Variants in FBXO34 observed in about 807,000 individuals in gnomAD.
FBXO34 encodes F-box only protein 34.
In FBXO34, 12 loss-of-function variants were observed where a neutral mutation model predicts 24.5. The observed-to-expected ratio is 0.49, with a 90% CI of 0.31 to 0.79. FBXO34 has a LOEUF of 0.79. Ranked by LOEUF, FBXO34 falls within the 30% of genes least tolerant of loss-of-function variation. The probability of loss-of-function intolerance (pLI) is 0.04; values close to 1 mark genes in which losing one functional copy is unlikely to be tolerated. For synonymous variants in FBXO34, 320 were observed against 311.9 expected, an observed-to-expected ratio of 1.03 and a Z score of -0.27; for missense variants, 823 against 857.7, an observed-to-expected ratio of 0.96 and a Z score of 0.51.
At chr14:55,337,098 T>G (rs1883811084) in intron 1 of FBXO34, among the ~76,000 whole-genome samples, 1 of 151,888 alleles carries the variant, frequency 6.6e-6, no homozygotes, top group African/African-American at 2.4e-5. Context: ...CTTAGCCTCC[T>G]GAGTAGCTGG....
chr14:55,398,321 TTTTG>T, the FBXO34 span, among the ~76,000 whole-genome samples: 1 of 152,146 alleles, frequency 6.6e-6, no homozygotes, highest in African/African-American at 2.4e-5. Context: ...GGTTTTTTGT[TTTTG>T]TTTTTGTTTT....
At chr14:55,433,027 C>A in the FBXO34 span, among the ~76,000 whole-genome samples, 1 of 152,198 alleles carries the variant, frequency 6.6e-6, no homozygotes, top group African/African-American at 2.4e-5. Context: ...TTCATCATTA[C>A]TGTAACTTAA....
Position 55,294,114 on chromosome 14 carries a change from C to T in FBXO34, c.-11+22577C>T, listed in dbSNP as rs57733734. Among the ~76,000 whole-genome samples, 1,413 of 151,954 alleles carry T rather than the reference C, an allele frequency of 9.3e-3. 31 individuals are homozygous for T. The highest frequency in any genetic ancestry group is 0.033 in the African/African-American group (1,362 of 41,404). On this transcript the variant is annotated intron_variant, in intron 1 of 1. Transcript: ENST00000313833. ...CACCCTACTTAAAATTATAACTGCC[C>T]CTCTTTGCTTGCACTTCTAAGCTTC... is the stretch of plus-strand genomic sequence containing the variant.
At chr14:55,320,993 C>A (rs1329816927) in intron 1 of FBXO34, among the ~76,000 whole-genome samples, 1 of 151,984 alleles carries the variant, frequency 6.6e-6, no homozygotes, top group Non-Finnish European at 1.5e-5. Context: ...TTATAGTTTT[C>A]TTTTTTATTC....
downstream of FBXO34, chr14:55,369,568 T>C (rs1262647796): frequency 1.4e-6 from 2 of 1,418,352 alleles, no homozygotes; most frequent in East Asian, 2.3e-5. Flanking sequence ...TAGAGTGTAG[T>C]GGGAGAAGAA....
chr14:55,415,542 C>T, the FBXO34 span, among the ~76,000 whole-genome samples: 1 of 152,200 alleles, frequency 6.6e-6, no homozygotes, highest in African/African-American at 2.4e-5. Flanking sequence ...GTGGAAACAG[C>T]TTAAATGCCC....
intron 1 of FBXO34, among the ~76,000 whole-genome samples, chr14:55,321,115 A>G (rs1594749940): frequency 6.6e-6 from 1 of 151,990 alleles, no homozygotes; most frequent in Admixed American, 6.5e-5. Context: ...CCAAAGTCAA[A>G]GAATCTTAAA....
chr14:55,279,388 T>C (rs985438922), intron 1 of FBXO34, among the ~76,000 whole-genome samples: 1 of 151,926 alleles, frequency 6.6e-6, no homozygotes, highest in Non-Finnish European at 1.5e-5. Context: ...AAAGATCATG[T>C]GATAGGAAAA....
At chr14:55,332,724 A>G (rs1176197439) in intron 1 of FBXO34, among the ~76,000 whole-genome samples, 5 of 152,200 alleles carry the variant, frequency 3.3e-5, no homozygotes, top group Non-Finnish European at 5.9e-5. Flanking sequence ...TTAGTTTATC[A>G]GAAAATGTTG....
At chr14:55,402,926 AATAT>A in the FBXO34 span, among the ~76,000 whole-genome samples, 282 of 16,376 alleles carry the variant, frequency 0.017, 6 homozygotes, top group African/African-American at 0.039. Flanking sequence ...AAAAAAAAAA[AATAT>A]ATATATATAT....
chr14:55,420,933 T>C, the FBXO34 span, among the ~76,000 whole-genome samples: 1 of 150,510 alleles, frequency 6.6e-6, no homozygotes, highest in East Asian at 2.0e-4. Context: ...TAGTGGCAGG[T>C]GCCTGTAGTC....
intron 1 of FBXO34, among the ~76,000 whole-genome samples, chr14:55,336,739 T>C (rs927620983): frequency 6.6e-6 from 1 of 151,856 alleles, no homozygotes; most frequent in African/African-American, 2.4e-5. Context: ...ATTATATCAT[T>C]TAATCTAAAA....
intron 1 of FBXO34, among the ~76,000 whole-genome samples, chr14:55,334,177 T>C (rs1377528818): frequency 1.6e-4 from 25 of 152,146 alleles, no homozygotes; most frequent in Admixed American, 1.6e-3. Flanking sequence ...TCTCCACCTT[T>C]TCCACCGCTC....
chr14:55,347,181 A>G (rs9919923), intron 1 of FBXO34, among the ~76,000 whole-genome samples: 45,670 of 151,832 alleles, frequency 0.3, 7,122 homozygotes, highest in Non-Finnish European at 0.33. Flanking sequence ...AGTTTAAAAT[A>G]CAATTGTGAT....
the FBXO34 span, among the ~76,000 whole-genome samples, chr14:55,433,305 T>TTC: frequency 2.2e-3 from 260 of 118,568 alleles, no homozygotes; most frequent in African/African-American, 8.6e-3. Context: ...CTTTTTAGAT[T>TTC]TCTCTTTTTT....
At chr14:55,430,092 A>G in the FBXO34 span, among the ~76,000 whole-genome samples, 3 of 152,150 alleles carry the variant, frequency 2.0e-5, no homozygotes. Flanking sequence ...GAGCCTGTGG[A>G]GTCCTGAGAG....
chr14:55,439,623 C>CG, the FBXO34 span, among the ~76,000 whole-genome samples: 282 of 136,856 alleles, frequency 2.1e-3, 13 homozygotes, highest in African/African-American at 7.3e-3. Flanking sequence ...AACCCCCCCC[C>CG]GTCTCTACTA....
the FBXO34 span, chr14:55,428,959 T>C: frequency 1.9e-6 from 3 of 1,614,102 alleles, no homozygotes; most frequent in Admixed American, 3.3e-5. Flanking sequence ...TTGCTGCAAG[T>C]CGAGACTGCT....
chr14:55,280,153 A>T (rs751782902), intron 1 of FBXO34, among the ~76,000 whole-genome samples: 13 of 152,216 alleles, frequency 8.5e-5, no homozygotes, highest in Non-Finnish European at 1.8e-4. Flanking sequence ...TACATGATAT[A>T]TGTACATACA....
Sources: gnomAD v4.1 joint callset for allele counts (sites outside exome capture counted in the v4.1 genomes callset) on GRCh38, gnomAD v4.1.1 for gene constraint, MANE v1.5 for transcripts, NCBI Gene and HGNC (gene_info 2026-07-23, HGNC 2026-07-21) for gene names.